The following ANXA8 variants were observed in gnomAD, a reference collection of about 807,000 sequenced individuals.
ANXA8 encodes VAC-beta.
ANXA8 carries 9 observed loss-of-function variants against 26.8 expected under a neutral mutation model. The observed-to-expected ratio is 0.34, with a 90% CI of 0.20 to 0.59. ANXA8 has a LOEUF of 0.59. Ranked by LOEUF, ANXA8 falls within the 20% of genes least tolerant of loss-of-function variation. The probability of loss-of-function intolerance (pLI) is 0.84; values close to 1 mark genes in which losing one functional copy is unlikely to be tolerated. For missense variants in ANXA8, 83 were observed against 238.5 expected (o/e 0.35, Z 4.29); for synonymous variants, 39 against 94.8 (o/e 0.41, Z 3.42).
chr10:47,588,014 C>T, the ANXA8 span, among the ~76,000 whole-genome samples: 1 of 143,892 alleles, frequency 6.9e-6, no homozygotes, highest in Admixed American at 6.7e-5. Context: ...TTTCCTTCTA[C>T]TCTGCCTCTA....
chr10:47,743,929 C>A, the ANXA8 span, among the ~76,000 whole-genome samples: 1 of 139,094 alleles, frequency 7.2e-6, no homozygotes, highest in Admixed American at 7.2e-5. Flanking sequence ...TCTCAAAAAG[C>A]CAGGAGCATC....
the ANXA8 span, among the ~76,000 whole-genome samples, chr10:47,603,678 A>AT: frequency 3.4e-5 from 5 of 148,802 alleles, no homozygotes; most frequent in East Asian, 9.7e-4. Flanking sequence ...CGCCTGGCTA[A>AT]TTTTTGTATT....
the ANXA8 span, chr10:47,689,729 A>C: frequency 6.5e-7 from 1 of 1,536,778 alleles, no homozygotes; most frequent in African/African-American, 1.4e-5. Flanking sequence ...TCTCAAGTCC[A>C]CATTTTTTGG....
chr10:47,916,742 G>A, the ANXA8 span, among the ~76,000 whole-genome samples: 195 of 126,842 alleles, frequency 1.5e-3, 1 homozygote, highest in Non-Finnish European at 2.4e-3. Flanking sequence ...TTCAGGCTGC[G>A]TGCCTTGCGC....
At chr10:47,555,507 A>AAGC in the ANXA8 span, among the ~76,000 whole-genome samples, 2 of 151,992 alleles carry the variant, frequency 1.3e-5, no homozygotes, top group African/African-American at 4.8e-5. Context: ...TGTTCAAATG[A>AAGC]CTGTGTGGCT....
At chr10:47,584,050 C>T in the ANXA8 span, among the ~76,000 whole-genome samples, 1 of 142,658 alleles carries the variant, frequency 7.0e-6, no homozygotes, top group Non-Finnish European at 1.5e-5. Context: ...TGTGGTGGCC[C>T]GCGCCTGTGG....
chr10:47,624,260 A>AT, the ANXA8 span, among the ~76,000 whole-genome samples: 10 of 103,756 alleles, frequency 9.6e-5, no homozygotes, highest in African/African-American at 3.6e-4. Context: ...AAAAAAAAAA[A>AT]AAAAGAAGTA....
the ANXA8 span, among the ~76,000 whole-genome samples, chr10:47,580,185 G>A: frequency 1.5e-4 from 23 of 151,890 alleles, no homozygotes; most frequent in African/African-American, 2.4e-5. Context: ...CTCCCAAAGT[G>A]CTGGGATTAC....
At chr10:47,521,332 C>A in the ANXA8 span, among the ~76,000 whole-genome samples, 2 of 140,504 alleles carry the variant, frequency 1.4e-5, 1 homozygote, top group Admixed American at 1.4e-4. Context: ...TACTTACATG[C>A]TTTGTGTATA....
upstream of ANXA8, among the ~76,000 whole-genome samples, chr10:47,486,972 CAAAACAAAAACA>C (rs1243393744): frequency 1.4e-5 from 2 of 142,214 alleles, no homozygotes; most frequent in African/African-American, 2.6e-5. Flanking sequence ...GACTCTATCT[CAAAACAAAAACA>C]AAAACAAAAA....
the ANXA8 span, among the ~76,000 whole-genome samples, chr10:47,666,715 T>A: frequency 7.0e-6 from 1 of 141,988 alleles, no homozygotes. Flanking sequence ...TAATCTTAAT[T>A]TTTTTTCCCC....
the ANXA8 span, among the ~76,000 whole-genome samples, chr10:47,522,442 G>A: frequency 3.3e-5 from 5 of 150,212 alleles, no homozygotes; most frequent in African/African-American, 5.0e-5. Flanking sequence ...CTGCAGCCCC[G>A]GCTGTGACAT....
chr10:47,706,744 T>G, the ANXA8 span: 1 of 1,440,810 alleles, frequency 6.9e-7, no homozygotes. Context: ...CAAGTCTTCA[T>G]GCTCGGTGAT....
chr10:47,639,340 T>A, the ANXA8 span, among the ~76,000 whole-genome samples: 2 of 119,950 alleles, frequency 1.7e-5, no homozygotes, highest in African/African-American at 3.4e-5. Flanking sequence ...TGAGACGGAG[T>A]CTAGCTCTTT....
the ANXA8 span, among the ~76,000 whole-genome samples, chr10:47,551,347 G>A: frequency 1.1e-3 from 172 of 150,736 alleles, 1 homozygote; most frequent in African/African-American, 3.9e-3. Flanking sequence ...GTTGAATAAC[G>A]TTTAAAGTAC....
the ANXA8 span, among the ~76,000 whole-genome samples, chr10:47,695,645 G>A: frequency 7.3e-5 from 11 of 151,654 alleles, no homozygotes; most frequent in African/African-American, 2.7e-4. Context: ...ATACATCCTT[G>A]GTTTTCTTTC....
At chr10:47,630,331 GT>G in the ANXA8 span, among the ~76,000 whole-genome samples, 3 of 149,722 alleles carry the variant, frequency 2.0e-5, no homozygotes, top group South Asian at 6.2e-4. Flanking sequence ...GTTTGTTAAA[GT>G]TTTTCCATGT....
At chr10:47,694,216 A>T in the ANXA8 span, among the ~76,000 whole-genome samples, 3 of 151,560 alleles carry the variant, frequency 2.0e-5, no homozygotes, top group African/African-American at 7.3e-5. Flanking sequence ...TTAAAAAATC[A>T]GATTTTTTTT....
the ANXA8 span, among the ~76,000 whole-genome samples, chr10:47,889,069 C>T: frequency 1.3e-5 from 1 of 74,786 alleles, no homozygotes; most frequent in African/African-American, 6.0e-5. Flanking sequence ...AAATTTTGTA[C>T]ATGGTATGTG....
Sources: allele counts gnomAD v4.1 joint callset (sites outside exome capture counted in the v4.1 genomes callset), GRCh38; gene constraint gnomAD v4.1.1; transcripts MANE v1.5; gene names NCBI Gene and HGNC (gene_info 2026-07-23, HGNC 2026-07-21).